CRY2: variants seen among roughly 807,000 people sequenced by gnomAD.
CRY2 encodes the protein cryptochrome circadian regulator 2, also known as cryptochrome-2.
CRY2 carries 31 observed loss-of-function variants against 69.5 expected under a neutral mutation model. That is an observed-to-expected ratio of 0.45 (90% CI 0.34 to 0.60). CRY2 has a LOEUF of 0.60. Among genes scored for constraint, CRY2 ranks in the 20% least tolerant of loss-of-function variants. CRY2 has a pLI of 0.02. For missense variants in CRY2, 606 were observed against 797.8 expected, an observed-to-expected ratio of 0.76 and a Z score of 2.90; for synonymous variants, 303 against 312.2, an observed-to-expected ratio of 0.97 and a Z score of 0.31.
upstream of CRY2, chr11:45,847,472 T>A (rs1459367109): frequency 6.3e-7 from 1 of 1,599,140 alleles, no homozygotes; most frequent in Admixed American, 1.7e-5. Flanking sequence ...CGGGGGTGGC[T>A]GGAGCAGTCT....
chr11:45,857,180 G>T (rs1484047448), intron 2 of CRY2, among the ~76,000 whole-genome samples: 1 of 152,182 alleles, frequency 6.6e-6, no homozygotes, highest in Admixed American at 6.5e-5. Flanking sequence ...CACAGTGCTA[G>T]TAATTGCCCA....
chr11:45,863,792 C>T (rs1368964433), intron 5 of CRY2, among the ~76,000 whole-genome samples: 6 of 151,872 alleles, frequency 4.0e-5, no homozygotes, highest in African/African-American at 9.7e-5. Flanking sequence ...GCTCCCAGAA[C>T]TGGAAGGTAG....
chr11:45,855,899 G>A (rs1029540184), intron 1 of CRY2, 83 bp from the exon 2 acceptor site: 9 of 1,229,042 alleles, frequency 7.3e-6, no homozygotes, highest in African/African-American at 4.5e-5. Flanking sequence ...CATAAACAGC[G>A]AACCAGTTTC....
intron 1 of CRY2, among the ~76,000 whole-genome samples, chr11:45,853,779 A>C (rs1401694789): frequency 6.6e-6 from 1 of 152,218 alleles, no homozygotes; most frequent in Non-Finnish European, 1.5e-5. Flanking sequence ...AAGAGTGGTG[A>C]GGCTTGGGGG....
intron 5 of CRY2, among the ~76,000 whole-genome samples, chr11:45,865,549 C>G (rs1459449330): frequency 2.0e-5 from 3 of 152,168 alleles, no homozygotes; most frequent in East Asian, 1.9e-4. Flanking sequence ...AGGAGGAAGC[C>G]TTGAGGTTGC....
chr11:45,864,566 C>A (rs2086314112), intron 5 of CRY2, among the ~76,000 whole-genome samples: 1 of 151,954 alleles, frequency 6.6e-6, no homozygotes, highest in Admixed American at 6.6e-5. Context: ...CCACTGCACT[C>A]CTGCCTGGGT....
At chr11:45,851,915 C>T (rs898703990) in intron 1 of CRY2, among the ~76,000 whole-genome samples, 1 of 152,130 alleles carries the variant, frequency 6.6e-6, no homozygotes, top group African/African-American at 2.4e-5. Flanking sequence ...CACTGTTATC[C>T]TCCCTCCCCC....
chr11:45,847,315 C>A (rs1467679715), upstream of CRY2: 10 of 1,578,294 alleles, frequency 6.3e-6, no homozygotes, highest in Non-Finnish European at 8.6e-6. Context: ...TGTTCCGGCG[C>A]CTCTGGGCCA....
intron 5 of CRY2, among the ~76,000 whole-genome samples, chr11:45,863,782 G>A (rs565093238): frequency 5.3e-5 from 8 of 151,844 alleles, no homozygotes; most frequent in East Asian, 1.9e-4. Context: ...TCATGAGTCC[G>A]CTCCCAGAAC....
chr11:45,869,709 C>G lies in CRY2; in HGVS notation c.1086C>G (p.Ile362Met). 6.2e-7 allele frequency: 1 copy of G among 1,614,240 alleles called. No homozygotes were observed. The highest frequency in any genetic ancestry group is 8.5e-7 in the Non-Finnish European group (1 of 1,180,038). Residue 362 changes from isoleucine to methionine, a missense_variant, in exon 7 of 12, where the codon ATC (isoleucine) becomes ATG (methionine). Physicochemically the swap from Ile to Met is conservative, Grantham distance 10. Transcript: ENST00000616080. The part of the protein sequence containing the change: ...GKTGFPWIDA[I>M]MTQLRQEGWI... The stretch of plus-strand genomic sequence containing the variant: ...CAGGCTTCCCTTGGATTGATGCCAT[C>G]ATGACCCAACTGAGGCAGGAGGGCT...
intron 11 of CRY2, among the ~76,000 whole-genome samples, chr11:45,878,284 T>A (rs2086439192): frequency 6.6e-6 from 1 of 152,170 alleles, no homozygotes; most frequent in African/African-American, 2.4e-5. Context: ...GAACCCCAGA[T>A]TAACAGCAGT....
rs189805303 is a variant in CRY2 at position 45,872,275 on chromosome 11, G to C, written c.*2+42G>C. 2,333 of 1,582,170 alleles carry C rather than the reference G, an allele frequency of 1.5e-3. 27 individuals are homozygous for C. In the African/African-American group the frequency reaches 0.015, roughly 10 times the overall value. ...TAGATTCAACCTCAGGAAGGAAGTT[G>C]GGAGTGGGGGGGCCTACTGCCCTGC... is the stretch of plus-strand genomic sequence containing the variant. On this transcript the variant is annotated intron_variant, in intron 11 of 11. Coordinates refer to ENST00000616080, the MANE Select transcript of CRY2 (RefSeq NM_021117.5).
In CRY2 at chr11:45,876,856, C is replaced by T. The variant is rs138874774; in HGVS notation, c.*3-4058C>T. On this transcript the variant is annotated intron_variant, in intron 11 of 11. Coordinates refer to ENST00000616080, the MANE Select transcript of CRY2 (RefSeq NM_021117.5). Reference sequence around the variant, plus strand: ...GGAAGTGAAGGCAGTGTGGCATTGGCCAGAGAGCCCTGCATTATACTCAGA... The same window carrying T: ...GGAAGTGAAGGCAGTGTGGCATTGGTCAGAGAGCCCTGCATTATACTCAGA... Among the ~76,000 whole-genome samples, 76 of 152,324 alleles carry T rather than the reference C, an allele frequency of 5.0e-4. 1 individual carries two copies. Among genetic ancestry groups the T allele is most frequent in the Non-Finnish European group, 9.6e-4 (65 of 68,040 alleles).
At chr11:45,857,672 G>A (rs1305731689) in intron 2 of CRY2, among the ~76,000 whole-genome samples, 1 of 152,148 alleles carries the variant, frequency 6.6e-6, no homozygotes, top group South Asian at 2.1e-4. Flanking sequence ...AAAAAGACAA[G>A]GTGCAGAAGA....
intron 6 of CRY2, 40 bp from the exon 7 acceptor site, chr11:45,869,466 G>T: frequency 6.4e-7 from 1 of 1,562,392 alleles, no homozygotes; most frequent in South Asian, 1.2e-5. Flanking sequence ...GCTAAGAGCT[G>T]GGCGAGTGTT....
At chr11:45,847,446 G>C, upstream of CRY2, 3 of 1,593,604 alleles carry the variant, frequency 1.9e-6, no homozygotes, top group Non-Finnish European at 2.6e-6. Flanking sequence ...GGTCCACGTC[G>C]CCTACCGGGG....
In CRY2 at chr11:45,870,180, C is replaced by T. The variant is rs189129564; in HGVS notation, c.1322C>T (p.Thr441Met). The change falls in exon 8 of 12, where the codon ACG becomes ATG. Residue 441 changes from threonine (T) to methionine (M), a missense_variant. Coordinates refer to ENST00000616080, the MANE Select transcript of CRY2 (RefSeq NM_021117.5). ...CYCPVGFGRR[T>M]DPSGDYIRRY... Reference sequence around the variant, plus strand: ...TGCCCTGTGGGCTTTGGCCGTCGCACGGACCCCAGTGGGGACTACATCAGG... The same window carrying T: ...TGCCCTGTGGGCTTTGGCCGTCGCATGGACCCCAGTGGGGACTACATCAGG... 2.5e-6 allele frequency: 4 copies of T among 1,612,944 alleles called. No homozygotes were observed. The highest frequency in any genetic ancestry group is 2.2e-5 in the East Asian group (1 of 44,876).
intron 1 of CRY2, among the ~76,000 whole-genome samples, chr11:45,849,714 G>C (rs1340912894): frequency 6.6e-6 from 1 of 150,388 alleles, no homozygotes; most frequent in South Asian, 2.1e-4. Context: ...TCCACCTCCC[G>C]GGTTCAAGCA....
intron 1 of CRY2, among the ~76,000 whole-genome samples, chr11:45,851,368 T>G (rs1190493536): frequency 6.6e-6 from 1 of 152,220 alleles, no homozygotes; most frequent in Non-Finnish European, 1.5e-5. Context: ...TCTCTTAGAA[T>G]TGGTAAATGA....
Sources: allele counts gnomAD v4.1 joint callset (sites outside exome capture counted in the v4.1 genomes callset), GRCh38; gene constraint gnomAD v4.1.1; transcripts MANE v1.5; gene names NCBI Gene and HGNC (gene_info 2026-07-23, HGNC 2026-07-21).